The following VPS13B variants were observed in gnomAD, a reference collection of about 807,000 sequenced individuals.
The protein encoded by VPS13B is vacuolar protein sorting 13 homolog B, also known as intermembrane lipid transfer protein VPS13B.
Under a neutral mutation model 426.4 loss-of-function variants are expected in VPS13B, and 285 were observed. That is an observed-to-expected ratio of 0.67 (90% CI 0.61 to 0.74). The LOEUF is 0.74. Ranked by LOEUF, VPS13B falls within the 30% of genes least tolerant of loss-of-function variation. VPS13B has a pLI of 0.00. For missense variants in VPS13B, 4,537 were observed against 4,782.6 expected, an observed-to-expected ratio of 0.95 and a Z score of 1.51; for synonymous variants, 1,676 against 1,676.4, an observed-to-expected ratio of 1.00 and a Z score of 0.01.
rs533049334 is a variant in VPS13B at position 99,141,893 on chromosome 8, A to C, written c.1652-1081A>C. Among the ~76,000 whole-genome samples the C allele has an allele frequency of 9.9e-5, 15 of 151,252 alleles. 1 individual carries two copies. The highest frequency in any genetic ancestry group is 2.0e-4 in the Admixed American group (3 of 15,224). On this transcript the variant is annotated intron_variant, in intron 12 of 61. Transcript: ENST00000357162. Reference sequence around the variant, plus strand: ...CCCTGTCTCTACTAAAAAAAAAAAAAAAAAACAAAATTAGCCGGGCGTGGT... The same window carrying C: ...CCCTGTCTCTACTAAAAAAAAAAAACAAAAACAAAATTAGCCGGGCGTGGT...
At chr8:99,258,918 A>G (rs1459385868) in intron 17 of VPS13B, among the ~76,000 whole-genome samples, 1 of 152,064 alleles carries the variant, frequency 6.6e-6, no homozygotes, top group African/African-American at 2.4e-5. Context: ...AGGTCTAGGG[A>G]TTAGTGTATC....
At chr8:99,373,168 G>C (rs1017528259) in intron 19 of VPS13B, among the ~76,000 whole-genome samples, 1 of 152,024 alleles carries the variant, frequency 6.6e-6, no homozygotes, top group Non-Finnish European at 1.5e-5. Context: ...GTTGGGAGGT[G>C]GGGGGCAATG....
intron 42 of VPS13B, 43 bp from the exon 43 acceptor site, chr8:99,784,266 CTTACAA>C (rs1365154696): frequency 2.5e-6 from 4 of 1,612,574 alleles, no homozygotes; most frequent in African/African-American, 2.7e-5. Context: ...TGCCAAACAT[CTTACAA>C]TTAATCCGAT....
chr8:99,686,214 A>G (rs908633420), intron 35 of VPS13B, among the ~76,000 whole-genome samples: 1 of 152,184 alleles, frequency 6.6e-6, no homozygotes, highest in Non-Finnish European at 1.5e-5. Context: ...CCAAACAAAT[A>G]GAGTCTCTCT....
At chr8:99,463,859 AT>A (rs539965748) in intron 23 of VPS13B, among the ~76,000 whole-genome samples, 1 of 151,756 alleles carries the variant, frequency 6.6e-6, no homozygotes, top group Non-Finnish European at 1.5e-5. Context: ...TGTCTGGCTA[AT>A]TTTTTTGTAT....
chr8:99,544,079 C>T (rs4735617), intron 30 of VPS13B, among the ~76,000 whole-genome samples: 1 of 146,352 alleles, frequency 6.8e-6, no homozygotes, highest in South Asian at 2.3e-4. Context: ...TCCAACAATG[C>T]TAGACTGGAT....
rs1817209374 is a variant in VPS13B, at chr8:99,868,356, A to G, written c.11283A>G (p.Ser3761=). Residue 3761 remains serine (S), a synonymous_variant, in exon 59 of 62, where the codon TCA becomes TCG. Coordinates refer to ENST00000357162, the MANE Select transcript of VPS13B (RefSeq NM_152564.5). ...AGAAAACATCTGAGGCACAGGCTTC[A>G]GCAGGACACAAGGCCAAGGGTGTCA... ...NFQKTSEAQA[S]AGHKAKGVIS... 6.2e-7 allele frequency: 1 copy of G among 1,614,196 alleles called. No homozygotes were observed. Among genetic ancestry groups the G allele is most frequent in the Non-Finnish European group, 8.5e-7 (1 of 1,180,030 alleles).
At chr8:99,108,852 C>T (rs1028114717) in intron 5 of VPS13B, among the ~76,000 whole-genome samples, 2 of 151,904 alleles carry the variant, frequency 1.3e-5, no homozygotes, top group African/African-American at 2.4e-5. Flanking sequence ...GCATTGATTT[C>T]GTAGATTGCT....
chr8:99,041,079 A>G (rs910881042), intron 3 of VPS13B, among the ~76,000 whole-genome samples: 2 of 152,178 alleles, frequency 1.3e-5, no homozygotes, highest in Non-Finnish European at 2.9e-5. Context: ...CTGCCTTAAC[A>G]TATCCTTACA....
chr8:99,392,148 A>G (rs559392729), intron 21 of VPS13B, among the ~76,000 whole-genome samples: 1 of 152,326 alleles, frequency 6.6e-6, no homozygotes, highest in South Asian at 2.1e-4. Context: ...TAAAAGACCC[A>G]TAGAGAATTA....
At chr8:99,225,575 C>T (rs1030912493) in intron 17 of VPS13B, among the ~76,000 whole-genome samples, 2 of 152,120 alleles carry the variant, frequency 1.3e-5, no homozygotes, top group East Asian at 1.9e-4. Flanking sequence ...CACAATTCAC[C>T]CCTTGTTTTA....
At chr8:99,300,956 G>A (rs1382429875) in intron 19 of VPS13B, among the ~76,000 whole-genome samples, 1 of 150,992 alleles carries the variant, frequency 6.6e-6, no homozygotes, top group African/African-American at 2.4e-5. Context: ...CGGCATGGTG[G>A]CGTGTGCCTG....
intron 12 of VPS13B, among the ~76,000 whole-genome samples, chr8:99,138,269 G>A (rs1206988145): frequency 6.6e-6 from 1 of 152,196 alleles, no homozygotes; most frequent in Non-Finnish European, 1.5e-5. Context: ...TGGGACTACA[G>A]GCATGCGCTG....
chr8:99,283,416 C>G (rs555874140), intron 19 of VPS13B, among the ~76,000 whole-genome samples: 32 of 152,278 alleles, frequency 2.1e-4, no homozygotes, highest in Middle Eastern at 3.4e-3. Flanking sequence ...TGCAAAAAAT[C>G]TTATCCTCTT....
intron 56 of VPS13B, among the ~76,000 whole-genome samples, chr8:99,855,243 G>A (rs887542308): frequency 6.6e-6 from 1 of 152,254 alleles, no homozygotes; most frequent in Admixed American, 6.5e-5. Context: ...TTACCCAGGT[G>A]TGGTGTCGTG....
chr8:99,136,696 G>T lies in VPS13B; in HGVS notation c.1595G>T (p.Arg532Leu). The change falls in exon 12 of 62, where the codon CGG becomes CTG. Residue 532 changes from arginine to leucine, a missense_variant. Around this residue, in one of 2 missense-constraint regions of VPS13B, gnomAD observed 4,311 missense variants for 4,474.3 expected, o/e 0.96. Transcript: ENST00000357162. ...ETYTEIAGMQ[R>L]FGAFYMDYLY... ...TACACTGAGATAGCTGGAATGCAACGGTTTGGGGCTTTTTATATGGATTAC... is the reference window on the plus strand; with the variant it reads ...TACACTGAGATAGCTGGAATGCAACTGTTTGGGGCTTTTTATATGGATTAC... 6.2e-7 allele frequency: 1 copy of T among 1,613,560 alleles called. No homozygotes were observed. Among genetic ancestry groups the T allele is most frequent in the African/African-American group, 1.3e-5 (1 of 75,016 alleles).
intron 34 of VPS13B, among the ~76,000 whole-genome samples, chr8:99,645,260 T>C (rs902783257): frequency 5.6e-4 from 85 of 152,236 alleles, no homozygotes; most frequent in African/African-American, 2.0e-3. Context: ...CTGTCACTTA[T>C]ATGTATACCT....
At chr8:99,013,459 T>G (rs1587911875) in intron 1 of VPS13B, 112 bp downstream of exon 1, 3 of 367,384 alleles carry the variant, frequency 8.2e-6, no homozygotes, top group East Asian at 1.3e-4. Context: ...CCTCGCGGGG[T>G]GGCTGGGTTG....
intron 49 of VPS13B, 118 bp from the exon 50 acceptor site, chr8:99,821,176 G>A (rs1043372860): frequency 1.5e-6 from 1 of 679,370 alleles, no homozygotes; most frequent in African/African-American, 2.1e-5. Flanking sequence ...ACCATGGAGG[G>A]ATATTTGGTT....
Sources: allele counts gnomAD v4.1 joint callset (sites outside exome capture counted in the v4.1 genomes callset), GRCh38; gene constraint gnomAD v4.1.1; regional missense constraint gnomAD v4.1.1; transcripts MANE v1.5; gene names NCBI Gene and HGNC (gene_info 2026-07-23, HGNC 2026-07-21).